Variants in MTMR8 observed in about 807,000 individuals in gnomAD.
MTMR8 encodes phosphatidylinositol-3,5-bisphosphate 3-phosphatase MTMR8.
In MTMR8, 65 loss-of-function variants were observed where a neutral mutation model predicts 39.3. The ratio of observed to expected loss-of-function variants is 1.65; its 90% CI spans 1.35 to 2.03. The LOEUF (loss-of-function observed/expected upper bound fraction) is 2.03, where lower values mean the gene tolerates loss of function less well. Ranked by LOEUF, MTMR8 falls within the 30% of genes most tolerant of loss-of-function variation. The probability of loss-of-function intolerance (pLI) is 0.00; values close to 1 mark genes in which losing one functional copy is unlikely to be tolerated. For missense variants in MTMR8, 777 were observed against 538.9 expected (o/e 1.44, Z -4.37); for synonymous variants, 245 against 185.2 (o/e 1.32, Z -2.62).
At chrX:64,303,252 A>G (rs1921963930) in intron 12 of MTMR8, among the ~76,000 whole-genome samples, 1 of 112,084 alleles carries the variant, frequency 8.9e-6, no homozygotes, top group African/African-American at 3.2e-5. Context: ...ATGATGTTGA[A>G]CATTTATCTT....
chrX:64,367,688 G>A (rs1345938155), intron 1 of MTMR8, among the ~76,000 whole-genome samples: 1 of 111,911 alleles, frequency 8.9e-6, no homozygotes, highest in African/African-American at 3.2e-5. Context: ...CATTCCCTTT[G>A]AAAACTGGCA....
chrX:64,300,905 T>A (rs1226967007), intron 12 of MTMR8, among the ~76,000 whole-genome samples: 2 of 111,240 alleles, frequency 1.8e-5, no homozygotes, highest in Non-Finnish European at 3.8e-5. Flanking sequence ...AATATTGGCC[T>A]CCACTCTCTT....
At chrX:64,316,935 A>G (rs1255549979) in intron 12 of MTMR8, among the ~76,000 whole-genome samples, 1 of 108,188 alleles carries the variant, frequency 9.2e-6, no homozygotes, top group Non-Finnish European at 1.9e-5. Context: ...ACATAGCAAA[A>G]TCCCGTCTCT....
chrX:64,326,884 G>C (rs1015511897), intron 12 of MTMR8, among the ~76,000 whole-genome samples: 7 of 108,352 alleles, frequency 6.5e-5, no homozygotes, highest in African/African-American at 2.3e-4. Context: ...AGAGAGCCCA[G>C]AAAAAAAATG....
At chrX:64,272,386 A>G in intron 12 of MTMR8, among the ~76,000 whole-genome samples, 1 of 111,587 alleles carries the variant, frequency 9.0e-6, no homozygotes, top group Non-Finnish European at 1.9e-5. Flanking sequence ...ACAATAACTG[A>G]AGAATCCAAT....
chrX:64,286,848 C>T (rs1243611063), intron 12 of MTMR8, among the ~76,000 whole-genome samples: 1 of 111,399 alleles, frequency 9.0e-6, no homozygotes, highest in South Asian at 3.8e-4. Context: ...AAACCCACAG[C>T]CAATATCATA....
intron 12 of MTMR8, among the ~76,000 whole-genome samples, chrX:64,296,885 C>A (rs1197381741): frequency 1.9e-5 from 2 of 103,240 alleles, no homozygotes; most frequent in African/African-American, 7.1e-5. Flanking sequence ...CCAATTTCAT[C>A]CATGTCCCTA....
chrX:64,326,618 C>A (rs771446395), intron 12 of MTMR8, among the ~76,000 whole-genome samples: 2 of 110,721 alleles, frequency 1.8e-5, no homozygotes, highest in African/African-American at 6.6e-5. Flanking sequence ...TCTACACTAC[C>A]CAAAGTGATC....
chrX:64,346,851 G>A (rs183600134), intron 6 of MTMR8, among the ~76,000 whole-genome samples: 6 of 110,021 alleles, frequency 5.5e-5, no homozygotes, highest in African/African-American at 1.3e-4. Flanking sequence ...AGATACAGAC[G>A]CGATTAAACT....
chrX:64,310,174 ATAT>A (rs1922252182), intron 12 of MTMR8, among the ~76,000 whole-genome samples: 1 of 112,035 alleles, frequency 8.9e-6, no homozygotes, highest in Non-Finnish European at 1.9e-5. Context: ...AGTTTATATA[ATAT>A]TATAAATCCT....
chrX:64,273,844 AATGTC>A (rs1342764136), intron 12 of MTMR8, among the ~76,000 whole-genome samples: 1 of 111,846 alleles, frequency 8.9e-6, no homozygotes, highest in Non-Finnish European at 1.9e-5. Context: ...TAAGTCAAAA[AATGTC>A]ACGGAGACAA....
chrX:64,307,055 C>T (rs745438021), intron 12 of MTMR8, among the ~76,000 whole-genome samples: 18 of 112,049 alleles, frequency 1.6e-4, no homozygotes, highest in Non-Finnish European at 3.0e-4. Context: ...TGCTTATTTT[C>T]CATCTGTTAT....
chrX:64,350,737 C>T (rs1197386863), intron 4 of MTMR8, among the ~76,000 whole-genome samples: 2 of 110,964 alleles, frequency 1.8e-5, no homozygotes, highest in Admixed American at 9.6e-5. Flanking sequence ...GAGGTGTTGA[C>T]ATTTTAGGTG....
At chrX:64,297,645 A>C (rs1340951281) in intron 12 of MTMR8, among the ~76,000 whole-genome samples, 2 of 95,376 alleles carry the variant, frequency 2.1e-5, no homozygotes, top group Non-Finnish European at 4.2e-5. Context: ...TTTGGACATG[A>C]AGTCCTTGCC....
intron 13 of MTMR8, among the ~76,000 whole-genome samples, chrX:64,270,075 C>T (rs752843439): frequency 6.4e-5 from 7 of 109,614 alleles, no homozygotes; most frequent in Non-Finnish European, 1.3e-4. Flanking sequence ...TTCTCTACTA[C>T]ATCTAATCTA....
chrX:64,283,964 G>A (rs1297743587), intron 12 of MTMR8, among the ~76,000 whole-genome samples: 1 of 112,490 alleles, frequency 8.9e-6, no homozygotes, highest in Non-Finnish European at 1.9e-5. Flanking sequence ...ATGGAACAAA[G>A]CTGGATGGAG....
At position 64,379,048 on chromosome X, in the gene MTMR8, C is replaced by T. The variant is rs375275992; in HGVS notation, c.24+16292G>A. 2.1e-4 allele frequency among the ~76,000 whole-genome samples: 23 copies of T among 111,647 alleles called. No homozygotes were observed. The South Asian group carries it at 3.8e-3, about 18-fold the overall frequency. ...ATAATCTAGGTGAAATGGACCAATACATCAAAAGACACAGTCTACCAAAAC... is the reference window on the plus strand; with the variant it reads ...ATAATCTAGGTGAAATGGACCAATATATCAAAAGACACAGTCTACCAAAAC... On this transcript the variant is annotated intron_variant, in intron 1 of 13. Transcript: ENST00000374852.
intron 6 of MTMR8, among the ~76,000 whole-genome samples, chrX:64,346,501 C>T (rs1923352797): frequency 1.8e-5 from 2 of 110,000 alleles, no homozygotes; most frequent in Non-Finnish European, 3.8e-5. Flanking sequence ...CAATAGTCAC[C>T]TAGTAGCAAG....
chrX:64,293,741 A>G (rs777294647), intron 12 of MTMR8, among the ~76,000 whole-genome samples: 1 of 111,551 alleles, frequency 9.0e-6, no homozygotes, highest in African/African-American at 3.3e-5. Flanking sequence ...AGAATCACTC[A>G]TGCTCTAAAG....
Sources: gnomAD v4.1 joint callset for allele counts (sites outside exome capture counted in the v4.1 genomes callset) on GRCh38, gnomAD v4.1.1 for gene constraint, MANE v1.5 for transcripts, NCBI Gene and HGNC (gene_info 2026-07-23, HGNC 2026-07-21) for gene names.